HYAL4: variants seen among roughly 807,000 people sequenced by gnomAD.
HYAL4 encodes hyaluronidase-4.
In HYAL4, 37 loss-of-function variants were observed where a neutral mutation model predicts 35.2. The ratio of observed to expected loss-of-function variants is 1.05; its 90% confidence interval spans 0.81 to 1.38. The LOEUF (loss-of-function observed/expected upper bound fraction) is 1.38. Ranked by LOEUF, HYAL4 falls within the 40% of genes most tolerant of loss-of-function variation. The pLI is 0.00. For missense variants in HYAL4, 572 were observed against 572.4 expected (o/e 1.00, Z 0.01); for synonymous variants, 198 against 203.2 (o/e 0.97, Z 0.22).
chr7:123,834,281 C>G (rs558722850), intron 1 of HYAL4, among the ~76,000 whole-genome samples: 4 of 151,960 alleles, frequency 2.6e-5, no homozygotes, highest in Non-Finnish European at 5.9e-5. Context: ...TTGTAATTTT[C>G]CTTGTAGAGG....
At chr7:123,869,283 TTTC>T (rs1282143908) in intron 3 of HYAL4, 56 bp downstream of exon 3, 25 of 1,154,914 alleles carry the variant, frequency 2.2e-5, no homozygotes, top group Non-Finnish European at 1.9e-5. Flanking sequence ...TAAAAGGACA[TTTC>T]TTTGTTAATT....
chr7:123,813,877 G>A, the HYAL4 span, among the ~76,000 whole-genome samples: 2 of 152,116 alleles, frequency 1.3e-5, no homozygotes, highest in African/African-American at 2.4e-5. Flanking sequence ...CAGAATCATA[G>A]GAAATTAAAA....
the HYAL4 span, among the ~76,000 whole-genome samples, chr7:123,806,557 C>CCT: frequency 8.1e-4 from 123 of 152,152 alleles, 2 homozygotes; most frequent in Non-Finnish European, 1.5e-3. Context: ...GATTCTCCTG[C>CCT]CTCAGCCTCC....
In HYAL4 at chr7:123,868,873, G is replaced by A. The variant is rs1318153632; in HGVS notation, c.600G>A (p.Lys200=). Residue 200 remains lysine, a synonymous_variant, in exon 3 of 5, where the codon AAG becomes AAA. Transcript: ENST00000223026. The part of the protein sequence containing the change: ...TFEESAKAFM[K]ETIKLGIKSR... ...AAGAAAGTGCAAAAGCTTTCATGAAGGAAACCATCAAATTGGGAATTAAGA... is the reference window on the plus strand; with the variant it reads ...AAGAAAGTGCAAAAGCTTTCATGAAAGAAACCATCAAATTGGGAATTAAGA... The A allele has an allele frequency of 6.2e-7, 1 of 1,614,170 alleles. No individual in the cohort carries two copies. Among genetic ancestry groups the A allele is most frequent in the Non-Finnish European group, 8.5e-7 (1 of 1,180,028 alleles).
the HYAL4 span, among the ~76,000 whole-genome samples, chr7:123,817,510 CTTTT>C: frequency 8.2e-6 from 1 of 122,166 alleles, no homozygotes. Flanking sequence ...CATTCTTCTT[CTTTT>C]TTTTTTTTTT....
chr7:123,877,024 C>T lies in HYAL4; in HGVS notation c.1315C>T (p.Gln439Ter), dbSNP rs747765173. ...MADTFSCHCYQGYEGADCREI... is the reference protein window; with the variant it reads ...MADTFSCHCY Reference sequence around the variant, plus strand: ...AGATACATTTTCCTGTCATTGTTATCAGGGATATGAAGGAGCTGATTGCAG... The same window carrying T: ...AGATACATTTTCCTGTCATTGTTATTAGGGATATGAAGGAGCTGATTGCAG... The change falls in exon 5 of 5, where the codon CAG (glutamine) becomes TAG (stop). Residue 439 changes from glutamine to a stop codon, truncating the protein, a stop_gained. Transcript: ENST00000223026. LOFTEE classifies it low-confidence loss of function (END_TRUNC). 1 of 1,614,180 alleles carries T rather than the reference C, an allele frequency of 6.2e-7. No homozygotes were observed. The highest frequency in any genetic ancestry group is 2.2e-5 in the East Asian group (1 of 44,886).
At chr7:123,831,958 T>A (rs1805889597) in intron 1 of HYAL4, among the ~76,000 whole-genome samples, 1 of 152,166 alleles carries the variant, frequency 6.6e-6, no homozygotes, top group South Asian at 2.1e-4. Context: ...TTTCCTTTTT[T>A]TTTCCCTTCC....
the HYAL4 span, chr7:123,814,535 G>A: frequency 6.6e-6 from 1 of 152,566 alleles, no homozygotes; most frequent in African/African-American, 2.4e-5. Context: ...TGTTGTTATT[G>A]ACTGGGAAAG....
chr7:123,839,315 C>G (rs1035238597), intron 1 of HYAL4, among the ~76,000 whole-genome samples: 3 of 152,174 alleles, frequency 2.0e-5, no homozygotes, highest in African/African-American at 7.2e-5. Context: ...AGGACATGAA[C>G]TCATCCTTTT....
At chr7:123,808,418 C>CGTGT in the HYAL4 span, among the ~76,000 whole-genome samples, 4,884 of 142,598 alleles carry the variant, frequency 0.034, 101 homozygotes, top group South Asian at 0.044. Flanking sequence ...TGTATCATCA[C>CGTGT]GTGTGTGTGT....
the HYAL4 span, among the ~76,000 whole-genome samples, chr7:123,801,587 A>G: frequency 6.6e-6 from 1 of 152,198 alleles, no homozygotes; most frequent in Non-Finnish European, 1.5e-5. Context: ...AGCAGTTTAA[A>G]CGTTCTCTAT....
chr7:123,869,415 CATT>C lies in HYAL4; in HGVS notation c.954+195_954+197del, dbSNP rs533752351. Among the ~76,000 whole-genome samples the C allele has an allele frequency of 1.6e-3, 249 of 152,202 alleles. 2 individuals are homozygous for C. Among genetic ancestry groups the C allele is most frequent in the Middle Eastern group, 6.8e-3 (2 of 294 alleles). On this transcript the variant is annotated intron_variant, in intron 3 of 4. Transcript: ENST00000223026. ...GAAACTGAATTTTGATTATCTTACT[CATT>C]ATTATTCTCTTAAGGAACAAAGTAA...
At chr7:123,804,919 G>T in the HYAL4 span, among the ~76,000 whole-genome samples, 2 of 152,252 alleles carry the variant, frequency 1.3e-5, no homozygotes, top group African/African-American at 4.8e-5. Context: ...GATTTCACAG[G>T]TTATAAATGT....
chr7:123,799,940 T>G, the HYAL4 span, among the ~76,000 whole-genome samples: 17 of 151,808 alleles, frequency 1.1e-4, no homozygotes, highest in Non-Finnish European at 2.1e-4. Flanking sequence ...GTGAGCTGAT[T>G]GCTTGAGCGC....
At chr7:123,776,327 G>A in the HYAL4 span, among the ~76,000 whole-genome samples, 9 of 152,180 alleles carry the variant, frequency 5.9e-5, no homozygotes, top group South Asian at 2.1e-4. Context: ...TCAATGCAAC[G>A]ATGGGCGACA....
At chr7:123,864,984 G>A (rs1225953228) in intron 2 of HYAL4, among the ~76,000 whole-genome samples, 1 of 151,992 alleles carries the variant, frequency 6.6e-6, no homozygotes, top group Non-Finnish European at 1.5e-5. Flanking sequence ...CATCTGCCAT[G>A]TAAGGTGCAC....
chr7:123,799,464 A>C, the HYAL4 span, among the ~76,000 whole-genome samples: 2 of 150,404 alleles, frequency 1.3e-5, no homozygotes, highest in Admixed American at 1.3e-4. Context: ...ATAAATTATA[A>C]ATTTATAATT....
At chr7:123,816,088 C>A in the HYAL4 span, among the ~76,000 whole-genome samples, 1 of 151,988 alleles carries the variant, frequency 6.6e-6, no homozygotes, top group African/African-American at 2.4e-5. Context: ...AAATAAAAAC[C>A]CTTTCTTATA....
At chr7:123,830,587 C>T (rs1454105689) in intron 1 of HYAL4, among the ~76,000 whole-genome samples, 2 of 152,162 alleles carry the variant, frequency 1.3e-5, no homozygotes, top group African/African-American at 4.8e-5. Context: ...TCATGGGACA[C>T]CTGTTTTTCC....
Sources: allele counts gnomAD v4.1 joint callset (sites outside exome capture counted in the v4.1 genomes callset), GRCh38; gene constraint gnomAD v4.1.1; transcripts MANE v1.5; gene names NCBI Gene and HGNC (gene_info 2026-07-23, HGNC 2026-07-21).